The following MCTS1 variants were observed in gnomAD, a reference collection of about 807,000 sequenced individuals.
MCTS1 encodes malignant T-cell-amplified sequence 1.
For synonymous variants in MCTS1, 26 were observed against 40.8 expected, an observed-to-expected ratio of 0.64 and a Z score of 1.38; for missense variants, 55 against 128.6, an observed-to-expected ratio of 0.43 and a Z score of 2.77.
intron 1 of MCTS1, chrX:120,604,936 T>C: frequency 9.3e-7 from 1 of 1,080,744 alleles, no homozygotes; most frequent in Non-Finnish European, 1.2e-6. Flanking sequence ...TATCATCACT[T>C]AAAAAAAATC....
Position 120,617,180 on chromosome X carries a change from TTTGTTGTTG to T in MCTS1, c.*4934_*4942del, listed in dbSNP as rs199750166. On this transcript the variant is annotated 3_prime_UTR_variant, in exon 6 of 6. Transcript: ENST00000371317. ...AAATTAAACTCATCCAACTCATACA[TTTGTTGTTG>T]TTGTTGTTGTTGTTGTTTTTGAGAT... Among the ~76,000 whole-genome samples, 2 of 111,374 alleles carry T rather than the reference TTTGTTGTTG, an allele frequency of 1.8e-5. No homozygotes were observed. The highest frequency in any genetic ancestry group is 3.8e-5 in the Non-Finnish European group (2 of 53,022).
intron 1 of MCTS1, chrX:120,604,549 T>C (rs1490299702): frequency 1.6e-6 from 1 of 609,673 alleles, no homozygotes; most frequent in Non-Finnish European, 2.3e-6. Flanking sequence ...ATCACATCCG[T>C]GCACTGTGAT....
At chrX:120,605,580 G>T in intron 2 of MCTS1, 21 bp downstream of exon 2, 1 of 1,182,877 alleles carries the variant, frequency 8.5e-7, no homozygotes, top group Non-Finnish European at 1.1e-6. Flanking sequence ...GTTTTTGTCT[G>T]TGTAAAGCTC....
At position 120,617,558 on chromosome X, in the gene MCTS1, T is replaced by G. The variant is rs540450206; in HGVS notation, c.*5294T>G. Among the ~76,000 whole-genome samples, 1 of 112,179 alleles carries G rather than the reference T, an allele frequency of 8.9e-6. No homozygotes were observed. Among genetic ancestry groups the G allele is most frequent in the East Asian group, 2.8e-4 (1 of 3,583 alleles). ...ACAGTTTTCATATAACAAATGTTAT[T>G]GCTCTTCATTTCATTCTCCAATTTT... On this transcript the variant is annotated 3_prime_UTR_variant, in exon 6 of 6. Transcript: ENST00000371317.
intron 1 of MCTS1, 58 bp downstream of exon 1, chrX:120,604,305 G>A: frequency 8.5e-7 from 1 of 1,181,334 alleles, no homozygotes; most frequent in Non-Finnish European, 1.1e-6. Context: ...GTGGGGGTGG[G>A]GAAGAGGGCG....
rs1462461570 is a variant in MCTS1 at position 120,612,562 on chromosome X, A to G, written c.*298A>G. 1 of 201,775 alleles carries G rather than the reference A, an allele frequency of 5.0e-6. No individual in the cohort carries two copies. Among genetic ancestry groups the G allele is most frequent in the Admixed American group, 7.4e-5 (1 of 13,521 alleles). 16.6% of individuals were successfully genotyped at this position (201,775 alleles called of 1,213,427 possible). A position where few individuals can be genotyped will look rare whatever the true frequency, so the allele number is the denominator to read the frequency against. On this transcript the variant is annotated 3_prime_UTR_variant, in exon 6 of 6. Coordinates refer to ENST00000371317, the MANE Select transcript of MCTS1 (RefSeq NM_014060.3). ...GACTTGGTCAATGGATTGCCATTTT[A>G]TGGTAGACCTCTAGAGAAACTGTCT...
rs1464380479 is a variant in MCTS1, at chrX:120,614,530, ATTAT to A, written c.*2272_*2275del. 8.9e-6 allele frequency among the ~76,000 whole-genome samples: 1 copy of A among 111,875 alleles called. No homozygotes were observed. The highest frequency in any genetic ancestry group is 3.2e-5 in the African/African-American group (1 of 30,813). On this transcript the variant is annotated 3_prime_UTR_variant, in exon 6 of 6. Coordinates refer to ENST00000371317, the MANE Select transcript of MCTS1 (RefSeq NM_014060.3). ...ACAGTTTTATTCTGCAGCTTACCAT[ATTAT>A]TTATTCCTGGTCCACGAAAGTATAA...
rs1355627151 is a variant in MCTS1, at chrX:120,621,078, C to G, written c.*8814C>G. 1 of 111,963 alleles carries G rather than the reference C, an allele frequency of 8.9e-6. No individual in the cohort carries two copies. Among genetic ancestry groups the G allele is most frequent in the Admixed American group, 9.5e-5 (1 of 10,523 alleles). The allele number at this position is 111,963 out of a possible 1,213,427, so 9.2% of individuals were successfully genotyped here. A position where few individuals can be genotyped will look rare whatever the true frequency, so the allele number is the denominator to read the frequency against. Reference sequence around the variant, plus strand: ...AGACTTAATAAATAATGTAAATTATCTATTCTTTCCTGTTGATTATATATT... The same window carrying G: ...AGACTTAATAAATAATGTAAATTATGTATTCTTTCCTGTTGATTATATATT... On this transcript the variant is annotated 3_prime_UTR_variant, in exon 6 of 6. Transcript: ENST00000371317.
chrX:120,608,364 C>A lies in MCTS1; in HGVS notation c.396+6C>A. The A allele has an allele frequency of 8.5e-7, 1 of 1,175,637 alleles. No homozygotes were observed. The highest frequency in any genetic ancestry group is 1.1e-6 in the Non-Finnish European group (1 of 874,915). On this transcript the variant is annotated splice_donor_region_variant and intron_variant, in intron 4 of 5. Coordinates refer to ENST00000371317, the MANE Select transcript of MCTS1 (RefSeq NM_014060.3). ...CTGCAGTAGATACCATTGTTGTATC[C>A]TTCCCAGGCTAAAACTGCTGAAAAA...
In MCTS1 at chrX:120,615,282, T is replaced by G. The variant is rs773595225; in HGVS notation, c.*3018T>G. On this transcript the variant is annotated 3_prime_UTR_variant, in exon 6 of 6. Coordinates refer to ENST00000371317, the MANE Select transcript of MCTS1 (RefSeq NM_014060.3). ...AGGCAGTGTGTCTTTAGTTCATTTT[T>G]AGTTTCAAAATTAAGTTTGTGTCAA... is the stretch of plus-strand genomic sequence containing the variant. Among the ~76,000 whole-genome samples, 1 of 112,341 alleles carries G rather than the reference T, an allele frequency of 8.9e-6. No homozygotes were observed. Among genetic ancestry groups the G allele is most frequent in the African/African-American group, 3.2e-5 (1 of 30,959 alleles).
chrX:120,604,427 C>A, intron 1 of MCTS1, 180 bp downstream of exon 1: 1 of 619,638 alleles, frequency 1.6e-6, no homozygotes, highest in Non-Finnish European at 2.4e-6. Context: ...AGCTTTCCAT[C>A]CGTAGTCCTT....
At chrX:120,611,264 G>T (rs956133967) in intron 5 of MCTS1, 186 bp downstream of exon 5, 1 of 406,246 alleles carries the variant, frequency 2.5e-6, no homozygotes, top group African/African-American at 2.5e-5. Flanking sequence ...CTTCAGGATT[G>T]TAGTCTTTCT....
In MCTS1 at chrX:120,611,023, G is replaced by A. The variant is rs757817901; in HGVS notation, c.409G>A (p.Glu137Lys). The change falls in exon 5 of 6, where the codon GAA becomes AAA. Residue 137 changes from glutamate (E) to lysine (K), a missense_variant. Glu to Lys is a moderately conservative substitution (Grantham distance 56). Coordinates refer to ENST00000371317, the MANE Select transcript of MCTS1 (RefSeq NM_014060.3). ...TGTGTTCTTTCAGGCTATCATGGCAGAAGGAAAACAGCATGCTCTATGTGT... is the reference window on the plus strand; with the variant it reads ...TGTGTTCTTTCAGGCTATCATGGCAAAAGGAAAACAGCATGCTCTATGTGT... ...AVDTIVAIMA[E>K]GKQHALCVGV... 1 of 1,211,480 alleles carries A rather than the reference G, an allele frequency of 8.3e-7. No individual in the cohort carries two copies. Among genetic ancestry groups the A allele is most frequent in the Non-Finnish European group, 1.1e-6 (1 of 895,039 alleles).
chrX:120,618,715 A>C lies in MCTS1; in HGVS notation c.*6451A>C, dbSNP rs1926927743. ...ATCATGGCTTTATTCAGTTTCAAAA[A>C]CAGTAGGGGCTAAAATGTTTGGACA... On this transcript the variant is annotated 3_prime_UTR_variant, in exon 6 of 6. Transcript: ENST00000371317. Among the ~76,000 whole-genome samples, 1 of 112,489 alleles carries C rather than the reference A, an allele frequency of 8.9e-6. No individual in the cohort carries two copies. Among genetic ancestry groups the C allele is most frequent in the African/African-American group, 3.2e-5 (1 of 30,972 alleles).
chrX:120,605,015 A>C, intron 1 of MCTS1: 10 of 601,716 alleles, frequency 1.7e-5, no homozygotes, highest in Non-Finnish European at 2.4e-5. Context: ...TTTGTATCTC[A>C]AGAATTGAGG....
At chrX:120,609,511 A>C (rs1192744888) in intron 4 of MCTS1, among the ~76,000 whole-genome samples, 8 of 111,499 alleles carry the variant, frequency 7.2e-5, no homozygotes, top group African/African-American at 2.6e-4. Context: ...AATAAGAAAA[A>C]AAAATGATAT....
intron 1 of MCTS1, 33 bp downstream of exon 1, chrX:120,604,280 CA>C: frequency 1.7e-6 from 2 of 1,196,779 alleles, no homozygotes; most frequent in Non-Finnish European, 2.3e-6. Flanking sequence ...ATCGGCTGCT[CA>C]CAAAGGCGGT....
chrX:120,620,894 C>G lies in MCTS1; in HGVS notation c.*8630C>G, dbSNP rs1208767438. The G allele has an allele frequency of 1.8e-5, 2 of 111,131 alleles. No homozygotes were observed. Among genetic ancestry groups the G allele is most frequent in the East Asian group, 5.6e-4 (2 of 3,567 alleles). 9.2% of individuals were successfully genotyped at this position (111,131 alleles called of 1,213,427 possible). A position where few individuals can be genotyped will look rare whatever the true frequency, so the allele number is the denominator to read the frequency against. On this transcript the variant is annotated 3_prime_UTR_variant, in exon 6 of 6. Transcript: ENST00000371317. ...AGAAGAAACTAAGTTTTCTCCCATT[C>G]ATGTTTAGCTATTGGGGGGTCTCAT...
intron 4 of MCTS1, among the ~76,000 whole-genome samples, chrX:120,609,339 C>T (rs4825423): frequency 0.23 from 25,077 of 109,612 alleles, 2,213 homozygotes; most frequent in Admixed American, 0.29. Context: ...CCCACTACCA[C>T]GCCCGGCTCA....
Sources: allele counts gnomAD v4.1 joint callset (sites outside exome capture counted in the v4.1 genomes callset), GRCh38; gene constraint gnomAD v4.1.1; transcripts MANE v1.5; gene names NCBI Gene and HGNC (gene_info 2026-07-23, HGNC 2026-07-21).